The following RAP1A variants were observed in gnomAD, a reference collection of about 807,000 sequenced individuals.
RAP1A encodes ras-related protein Rap-1A.
RAP1A carries 6 observed loss-of-function variants against 26.4 expected under a neutral mutation model. That is an observed-to-expected ratio of 0.23 (90% CI 0.12 to 0.45). The LOEUF (loss-of-function observed/expected upper bound fraction) is 0.45, where lower values mean the gene tolerates loss of function less well. RAP1A is among the 20% of genes least tolerant of loss of function. The pLI is 0.99. For synonymous variants in RAP1A, 73 were observed against 79.4 expected (o/e 0.92, Z 0.43); for missense variants, 121 against 217.2 (o/e 0.56, Z 2.78).
intron 1 of RAP1A, among the ~76,000 whole-genome samples, chr1:111,550,094 A>G (rs1317613855): frequency 2.0e-5 from 3 of 152,166 alleles, no homozygotes; most frequent in African/African-American, 4.8e-5. Context: ...TTTTCTCTAG[A>G]TTATAAAATT....
intron 2 of RAP1A, among the ~76,000 whole-genome samples, chr1:111,693,595 TAAGA>T (rs1661735837): frequency 1.3e-5 from 2 of 152,176 alleles, no homozygotes; most frequent in South Asian, 4.1e-4. Context: ...TTACTTTTAG[TAAGA>T]AAGAAATGAG....
chr1:111,578,490 T>A (rs572306083), intron 1 of RAP1A, among the ~76,000 whole-genome samples: 69 of 114,534 alleles, frequency 6.0e-4, no homozygotes, highest in African/African-American at 1.9e-3. Flanking sequence ...TTATTTTCAA[T>A]GGGGAAAAAA....
At chr1:111,660,947 A>G (rs912112399) in intron 1 of RAP1A, among the ~76,000 whole-genome samples, 1 of 152,232 alleles carries the variant, frequency 6.6e-6, no homozygotes, top group African/African-American at 2.4e-5. Context: ...TTACTCAAAC[A>G]TCACTCTTCT....
In RAP1A at chr1:111,581,155, G is replaced by T. The variant is rs190382370; in HGVS notation, c.-28+38646G>T. On this transcript the variant is annotated intron_variant, in intron 1 of 7. Coordinates refer to the RAP1A transcript ENST00000356415. ...GTGGAAGAATGGATGGAAAGTGACGGTAAATGCAGTCTGTACTTTTAGAGA... is the reference window on the plus strand; with the variant it reads ...GTGGAAGAATGGATGGAAAGTGACGTTAAATGCAGTCTGTACTTTTAGAGA... Among the ~76,000 whole-genome samples the T allele has an allele frequency of 1.8e-4, 27 of 151,682 alleles. 1 individual carries two copies. In the East Asian group the frequency reaches 5.0e-3, roughly 28 times the overall value.
intron 1 of RAP1A, among the ~76,000 whole-genome samples, chr1:111,659,965 C>T (rs543611663): frequency 6.6e-6 from 1 of 152,264 alleles, no homozygotes; most frequent in South Asian, 2.1e-4. Flanking sequence ...CACCTAATAC[C>T]TTGTTGCTGT....
chr1:111,675,973 T>C (rs1053922045), intron 1 of RAP1A, among the ~76,000 whole-genome samples: 3 of 152,180 alleles, frequency 2.0e-5, no homozygotes, highest in Non-Finnish European at 4.4e-5. Flanking sequence ...GTGAGACTTA[T>C]TCACTACCAC....
At chr1:111,616,516 C>T (rs1200214585), upstream of RAP1A, among the ~76,000 whole-genome samples, 4 of 152,182 alleles carry the variant, frequency 2.6e-5, no homozygotes, top group African/African-American at 2.4e-5. Context: ...TTGGAAAGTC[C>T]CCTTGGCCTC....
intron 2 of RAP1A, among the ~76,000 whole-genome samples, chr1:111,694,997 A>G (rs529545604): frequency 6.6e-6 from 1 of 152,308 alleles, no homozygotes; most frequent in Non-Finnish European, 1.5e-5. Flanking sequence ...AAAAGTTACT[A>G]TAGATATATA....
intron 1 of RAP1A, among the ~76,000 whole-genome samples, chr1:111,602,993 A>G (rs546317017): frequency 1.3e-5 from 2 of 152,186 alleles, no homozygotes; most frequent in Non-Finnish European, 2.9e-5. Flanking sequence ...GTAATTCACA[A>G]TCACAGAGCC....
rs183151496 is a variant in RAP1A, at chr1:111,641,133, A to G, written c.-28+21199A>G. Among the ~76,000 whole-genome samples, 4 of 152,360 alleles carry G rather than the reference A, an allele frequency of 2.6e-5. No homozygotes were observed. In the East Asian group the frequency reaches 7.7e-4, roughly 29 times the overall value. ...TTCCTGTAAAAACATGCATATGTAC[A>G]TATATGCATATATAGAAATAATTAG... is the stretch of plus-strand genomic sequence containing the variant. On this transcript the variant is annotated intron_variant, in intron 1 of 7. Coordinates refer to ENST00000369709, the MANE Select transcript of RAP1A (RefSeq NM_002884.4).
At chr1:111,644,052 T>A (rs1659976427) in intron 1 of RAP1A, among the ~76,000 whole-genome samples, 1 of 152,178 alleles carries the variant, frequency 6.6e-6, no homozygotes, top group Non-Finnish European at 1.5e-5. Flanking sequence ...GACGATAATC[T>A]CCTTAAAGTC....
chr1:111,619,765 C>T (rs896331544), upstream of RAP1A: 75 of 396,012 alleles, frequency 1.9e-4, no homozygotes, highest in Non-Finnish European at 1.9e-4. Context: ...GTGGTGCGTG[C>T]GTGCGCGTTC....
At chr1:111,567,005 A>C (rs916105025) in intron 1 of RAP1A, among the ~76,000 whole-genome samples, 4 of 151,718 alleles carry the variant, frequency 2.6e-5, no homozygotes, top group Non-Finnish European at 5.9e-5. Context: ...GCGTCATGGT[A>C]TATCGATAGT....
intron 1 of RAP1A, among the ~76,000 whole-genome samples, chr1:111,545,608 A>G (rs906022954): frequency 3.9e-5 from 6 of 152,100 alleles, no homozygotes; most frequent in African/African-American, 7.2e-5. Flanking sequence ...CCTTTGGTGC[A>G]CTAAAGTTTT....
intron 5 of RAP1A, among the ~76,000 whole-genome samples, 160 bp from the exon 6 acceptor site, chr1:111,704,183 C>T (rs913403202): frequency 4.1e-5 from 6 of 144,834 alleles, no homozygotes; most frequent in Admixed American, 1.4e-4. Flanking sequence ...CTTCTTCCTT[C>T]GCCTCTTCCC....
chr1:111,609,497 G>A (rs1374953927), intron 1 of RAP1A, among the ~76,000 whole-genome samples: 1 of 151,794 alleles, frequency 6.6e-6, no homozygotes, highest in African/African-American at 2.4e-5. Context: ...TTTTTCTTCT[G>A]TCTTCATCTA....
chr1:111,683,680 A>G (rs1661375138), intron 1 of RAP1A, among the ~76,000 whole-genome samples: 1 of 152,226 alleles, frequency 6.6e-6, no homozygotes, highest in East Asian at 1.9e-4. Flanking sequence ...TAGCCTACCA[A>G]CCAAAAAAAG....
chr1:111,557,935 A>C (rs533274708), intron 1 of RAP1A, among the ~76,000 whole-genome samples: 3 of 152,298 alleles, frequency 2.0e-5, no homozygotes, highest in African/African-American at 7.2e-5. Context: ...TATTAAGAAA[A>C]TTATGCATGT....
intron 1 of RAP1A, among the ~76,000 whole-genome samples, chr1:111,644,732 G>A (rs973361863): frequency 6.6e-6 from 1 of 152,176 alleles, no homozygotes; most frequent in South Asian, 2.1e-4. Context: ...ATGTTACAAG[G>A]CCTGATAATG....
Sources: allele counts gnomAD v4.1 joint callset (sites outside exome capture counted in the v4.1 genomes callset), GRCh38; gene constraint gnomAD v4.1.1; transcripts MANE v1.5; gene names NCBI Gene and HGNC (gene_info 2026-07-23, HGNC 2026-07-21).